Variants in TRPM3 observed in about 807,000 individuals in gnomAD.
TRPM3 encodes the protein transient receptor potential cation channel subfamily M member 3.
TRPM3 carries 77 observed loss-of-function variants against 181.2 expected under a neutral mutation model. The ratio of observed to expected loss-of-function variants is 0.42; its 90% CI spans 0.35 to 0.51. TRPM3 has a LOEUF of 0.51. Among genes scored for constraint, TRPM3 ranks in the 20% least tolerant of loss-of-function variants. The pLI is 0.01. For synonymous variants in TRPM3, 745 were observed against 796.4 expected, an observed-to-expected ratio of 0.94 and a Z score of 1.09; for missense variants, 1,759 against 2,196.7, an observed-to-expected ratio of 0.80 and a Z score of 3.98.
chr9:70,812,977 A>G lies in TRPM3; in HGVS notation c.973+14870T>C, dbSNP rs550902333. Among the ~76,000 whole-genome samples, 3 of 152,326 alleles carry G rather than the reference A, an allele frequency of 2.0e-5. No individual in the cohort carries two copies. In the South Asian group the frequency reaches 6.2e-4, roughly 32 times the overall value. On this transcript the variant is annotated intron_variant, in intron 6 of 25. Coordinates refer to ENST00000677713, the MANE Select transcript of TRPM3 (RefSeq NM_001366145.2). The stretch of plus-strand genomic sequence containing the variant: ...CTTAAGGGGGAAAATTAGGAATAAA[A>G]AGTGAAACTAAGGTAGTGACACAAG...
chr9:71,129,352 T>G (rs2074236404), intron 1 of TRPM3, among the ~76,000 whole-genome samples: 1 of 152,210 alleles, frequency 6.6e-6, no homozygotes. Flanking sequence ...TGAATCCACA[T>G]TAAGTCACTG....
In TRPM3 at chr9:70,683,063, A is replaced by G. The variant is rs1331336626; in HGVS notation, c.1273-1485T>C. ...GAAGAACAGCTGTGATTGGAATTGA[A>G]TAACTCTCACCTTTATAACTTGGGA... On this transcript the variant is annotated intron_variant, in intron 8 of 25. Transcript: ENST00000677713. 3.3e-5 allele frequency among the ~76,000 whole-genome samples: 5 copies of G among 152,216 alleles called. No homozygotes were observed. The East Asian group carries it at 9.6e-4, about 29-fold the overall frequency.
intron 1 of TRPM3, among the ~76,000 whole-genome samples, chr9:71,133,998 T>C (rs1298297063): frequency 2.1e-4 from 29 of 140,440 alleles, no homozygotes; most frequent in African/African-American, 5.4e-4. Flanking sequence ...TGTGTGTGTG[T>C]GTGTGTGTGT....
intron 22 of TRPM3, among the ~76,000 whole-genome samples, chr9:70,586,732 T>C (rs1363744070): frequency 3.3e-5 from 5 of 152,220 alleles, no homozygotes; most frequent in African/African-American, 1.2e-4. Context: ...TGCACAGCCC[T>C]GAGTCTTGAG....
chr9:71,257,193 C>A (rs989515518), intron 1 of TRPM3, among the ~76,000 whole-genome samples: 1 of 151,998 alleles, frequency 6.6e-6, no homozygotes, highest in African/African-American at 2.4e-5. Flanking sequence ...TAGGAGAGGG[C>A]TTTAATAGTA....
At chr9:71,326,229 A>C (rs990840438) in intron 1 of TRPM3, among the ~76,000 whole-genome samples, 1 of 152,226 alleles carries the variant, frequency 6.6e-6, no homozygotes. Flanking sequence ...TACATTTCTA[A>C]GAAAGATGAT....
At chr9:71,325,449 C>G (rs1216592582) in intron 1 of TRPM3, among the ~76,000 whole-genome samples, 1 of 152,042 alleles carries the variant, frequency 6.6e-6, no homozygotes, top group African/African-American at 2.4e-5. Context: ...AAGTGTTCCC[C>G]TATTTCACAG....
intron 1 of TRPM3, among the ~76,000 whole-genome samples, chr9:71,065,370 A>G (rs1375696490): frequency 6.6e-6 from 1 of 152,176 alleles, no homozygotes; most frequent in African/African-American, 2.4e-5. Context: ...CATTAAGCAT[A>G]CAAGAACAAA....
intron 1 of TRPM3, among the ~76,000 whole-genome samples, chr9:70,959,793 AATT>A (rs2097118886): frequency 6.6e-6 from 1 of 152,144 alleles, no homozygotes; most frequent in African/African-American, 2.4e-5. Context: ...ATTGCGTTAT[AATT>A]TCTCAAAGTG....
chr9:70,991,297 C>T (rs909519862), intron 1 of TRPM3, among the ~76,000 whole-genome samples: 32 of 152,156 alleles, frequency 2.1e-4, no homozygotes, highest in African/African-American at 6.8e-4. Flanking sequence ...CAACAATCCA[C>T]AGTATAATAT....
intron 1 of TRPM3, among the ~76,000 whole-genome samples, chr9:70,879,327 C>T (rs1372972019): frequency 2.0e-5 from 3 of 152,080 alleles, no homozygotes; most frequent in African/African-American, 7.2e-5. Context: ...TGTTGCATTT[C>T]ATTTAATTAA....
chr9:70,757,924 C>T (rs1434449164), intron 8 of TRPM3, among the ~76,000 whole-genome samples: 1 of 152,176 alleles, frequency 6.6e-6, no homozygotes, highest in Admixed American at 6.6e-5. Context: ...TGGCACAAGA[C>T]AGGGATGCCC....
chr9:70,549,766 C>G lies in TRPM3; in HGVS notation c.3575-92G>C. 3 of 1,367,662 alleles carry G rather than the reference C, an allele frequency of 2.2e-6. 1 individual carries two copies. In the South Asian group the frequency reaches 4.7e-5, roughly 21 times the overall value. The allele number at this position is 1,367,662 out of a possible 1,614,324, so 84.7% of individuals were successfully genotyped here. On this transcript the variant is annotated intron_variant, in intron 24 of 25. Coordinates refer to ENST00000677713, the MANE Select transcript of TRPM3 (RefSeq NM_001366145.2). ...GCCTAGTGACATTCTCAGTATAAAT[C>G]TAGGTGGGAAAAGGGGCCTAGATTC...
At chr9:70,925,577 AAT>A (rs150284193) in intron 1 of TRPM3, among the ~76,000 whole-genome samples, 1 of 151,322 alleles carries the variant, frequency 6.6e-6, no homozygotes, top group African/African-American at 2.4e-5. Flanking sequence ...CAGAATATGG[AAT>A]ATATATATAT....
At chr9:71,148,990 G>A (rs568695358) in intron 1 of TRPM3, among the ~76,000 whole-genome samples, 8 of 152,106 alleles carry the variant, frequency 5.3e-5, no homozygotes, top group Non-Finnish European at 1.2e-4. Flanking sequence ...GAATCATATA[G>A]CTGGTCAAAT....
Position 70,536,796 on chromosome 9 carries a change from G to C in TRPM3, c.4317C>G (p.Gly1439=), listed in dbSNP as rs188032279. 3.1e-6 allele frequency: 5 copies of C among 1,614,112 alleles called. No homozygotes were observed. The highest frequency in any genetic ancestry group is 4.2e-6 in the Non-Finnish European group (5 of 1,180,022). ...LDNSVNILGL[G]EPSFSTPVPS... ...GTACTGGAGTTGAAAAGCTTGGCTC[G>C]CCCAGCCCAAGGATGTTCACGGAAT... Residue 1439 remains glycine (G), a synonymous_variant, in exon 26 of 26, where the codon GGC becomes GGG. Coordinates refer to ENST00000677713, the MANE Select transcript of TRPM3 (RefSeq NM_001366145.2).
At chr9:70,617,013 A>G (rs10283684) in intron 17 of TRPM3, among the ~76,000 whole-genome samples, 148,470 of 152,306 alleles carry the variant, frequency 0.97, 72,477 homozygotes, top group East Asian at 1. Context: ...CTGCTCCAAG[A>G]TGAGGGGCTA....
chr9:71,234,252 T>G lies in TRPM3; in HGVS notation c.183+212401A>C, dbSNP rs142210706. On this transcript the variant is annotated intron_variant, in intron 1 of 24. Coordinates refer to the TRPM3 transcript ENST00000357533. ...TCTCCAGAGCAAGTGATCCATTGAG[T>G]GTTACATATCTTAGCCTTGGAAGTC... 7.8e-3 allele frequency among the ~76,000 whole-genome samples: 1,186 copies of G among 152,234 alleles called. 2 individuals carry two copies. The highest frequency in any genetic ancestry group is 0.012 in the Non-Finnish European group (795 of 68,012).
At chr9:71,292,625 T>C (rs2085911285) in intron 1 of TRPM3, among the ~76,000 whole-genome samples, 1 of 151,898 alleles carries the variant, frequency 6.6e-6, no homozygotes, top group South Asian at 2.1e-4. Context: ...ATAATCCTAA[T>C]AATGTTTTTT....
Sources: allele counts gnomAD v4.1 joint callset (sites outside exome capture counted in the v4.1 genomes callset), GRCh38; gene constraint gnomAD v4.1.1; transcripts MANE v1.5; gene names NCBI Gene and HGNC (gene_info 2026-07-23, HGNC 2026-07-21).